PDZRN3: variants seen among roughly 807,000 people sequenced by gnomAD.
The protein encoded by PDZRN3 is E3 ubiquitin-protein ligase PDZRN3.
A neutral mutation model predicts 85.7 loss-of-function variants in PDZRN3; 38 were observed. That is an observed-to-expected ratio of 0.44 (90% CI 0.34 to 0.58). The LOEUF is 0.58. PDZRN3 is among the 20% of genes least tolerant of loss of function. The probability of loss-of-function intolerance (pLI) is 0.01; values close to 1 mark genes in which losing one functional copy is unlikely to be tolerated. For missense variants in PDZRN3, 1,629 were observed against 1,506.4 expected (o/e 1.08, Z -1.35); for synonymous variants, 759 against 638.0 (o/e 1.19, Z -2.86).
chr3:73,411,565 G>C (rs911713264), intron 3 of PDZRN3, among the ~76,000 whole-genome samples: 3 of 152,160 alleles, frequency 2.0e-5, no homozygotes, highest in African/African-American at 7.2e-5. Context: ...ATGGGCTGGT[G>C]GTGGTCCTGC....
At chr3:73,407,398 C>G (rs1165940842) in intron 3 of PDZRN3, among the ~76,000 whole-genome samples, 1 of 152,090 alleles carries the variant, frequency 6.6e-6, no homozygotes, top group African/African-American at 2.4e-5. Context: ...AGTGAATTAA[C>G]CAAGTTTAGA....
At chr3:73,540,352 A>G (rs1704890913) in intron 3 of PDZRN3, among the ~76,000 whole-genome samples, 1 of 152,140 alleles carries the variant, frequency 6.6e-6, no homozygotes, top group Non-Finnish European at 1.5e-5. Flanking sequence ...AAAACCAAAA[A>G]ACATGTTTTT....
At chr3:73,490,687 A>G (rs9836402) in intron 3 of PDZRN3, among the ~76,000 whole-genome samples, 149,081 of 152,346 alleles carry the variant, frequency 0.98, 73,023 homozygotes, top group Middle Eastern at 1. Context: ...GAAAAGGCTG[A>G]ACTATTCAGT....
intron 4 of PDZRN3, among the ~76,000 whole-genome samples, chr3:73,401,479 C>T (rs1701748263): frequency 6.6e-6 from 1 of 152,162 alleles, no homozygotes; most frequent in Non-Finnish European, 1.5e-5. Context: ...TCTGCTGTTA[C>T]CTAGGACCGT....
intron 3 of PDZRN3, among the ~76,000 whole-genome samples, chr3:73,586,201 A>G (rs1293529894): frequency 5.3e-5 from 8 of 152,206 alleles, no homozygotes; most frequent in African/African-American, 1.9e-4. Context: ...CTGCTTCTAA[A>G]GAAAGGAACT....
chr3:73,384,642 C>G lies in PDZRN3; in HGVS notation c.1924G>C (p.Glu642Gln), dbSNP rs776472778. 6.2e-7 allele frequency: 1 copy of G among 1,613,932 alleles called. No individual in the cohort carries two copies. Among genetic ancestry groups the G allele is most frequent in the Non-Finnish European group, 8.5e-7 (1 of 1,180,042 alleles). Residue 642 changes from glutamate to glutamine, a missense_variant, in exon 10 of 10, where the codon GAG becomes CAG. Physicochemically the swap from Glu to Gln is conservative, Grantham distance 29. Coordinates refer to ENST00000263666, the MANE Select transcript of PDZRN3 (RefSeq NM_015009.3). ...DADYLGIPVD[E>Q]CERFRELLEL... ...AGGAGCTCGCGGAAGCGCTCGCACT[C>G]GTCCACCGGGATCCCCAGGTAGTCG... is the stretch of plus-strand genomic sequence containing the variant.
At chr3:73,480,323 C>T (rs1703537434) in intron 3 of PDZRN3, among the ~76,000 whole-genome samples, 1 of 152,162 alleles carries the variant, frequency 6.6e-6, no homozygotes, top group African/African-American at 2.4e-5. Context: ...GGTTTTAACA[C>T]CTCCCTTGAC....
In PDZRN3 at chr3:73,384,773, T is replaced by C. The variant is rs768638518; in HGVS notation, c.1793A>G (p.Asn598Ser). The change falls in exon 10 of 10, where the codon AAC becomes AGC. Residue 598 changes from asparagine to serine, a missense_variant. Asn to Ser is a conservative substitution (Grantham distance 46). Transcript: ENST00000263666. Reference sequence around the variant, plus strand: ...GAGCTTCCTCTGCCCCGCCAGCGGGTTGGAGGATGCGGTGGCGTCGTCGCC... The same window carrying C: ...GAGCTTCCTCTGCCCCGCCAGCGGGCTGGAGGATGCGGTGGCGTCGTCGCC... ...NNGDDATASS[N>S]PLAGQRKLTC... 1.2e-6 allele frequency: 2 copies of C among 1,613,888 alleles called. No individual in the cohort carries two copies. Among genetic ancestry groups the C allele is most frequent in the South Asian group, 2.2e-5 (2 of 91,080 alleles).
chr3:73,530,067 T>C (rs1175061309), intron 3 of PDZRN3, among the ~76,000 whole-genome samples: 1 of 152,230 alleles, frequency 6.6e-6, no homozygotes, highest in East Asian at 1.9e-4. Flanking sequence ...AATCATAATT[T>C]CTTAAACTCT....
Position 73,505,851 on chromosome 3 carries a change from T to C in PDZRN3, c.918+96503A>G, listed in dbSNP as rs1704060811. The stretch of plus-strand genomic sequence containing the variant: ...TTTGAGGCAAAAAATAAAATTGCGC[T>C]GGATTAGAGACCCCCAACCGACTTT... On this transcript the variant is annotated intron_variant, in intron 3 of 9. Coordinates refer to ENST00000263666, the MANE Select transcript of PDZRN3 (RefSeq NM_015009.3). Among the ~76,000 whole-genome samples the C allele has an allele frequency of 3.3e-5, 5 of 152,232 alleles. No individual in the cohort carries two copies. The South Asian group carries it at 1.0e-3, about 32-fold the overall frequency.
chr3:73,557,438 T>C lies in PDZRN3; in HGVS notation c.918+44916A>G, dbSNP rs78718783. ...TCTGTGACTATTTCTCATCTTATGATATGAATTTTTCATTGCTGTGTGGCA... is the reference window on the plus strand; with the variant it reads ...TCTGTGACTATTTCTCATCTTATGACATGAATTTTTCATTGCTGTGTGGCA... On this transcript the variant is annotated intron_variant, in intron 3 of 9. Coordinates refer to ENST00000263666, the MANE Select transcript of PDZRN3 (RefSeq NM_015009.3). Among the ~76,000 whole-genome samples the C allele has an allele frequency of 8.1e-3, 1,241 of 152,350 alleles. 22 individuals carry two copies. Among genetic ancestry groups the C allele is most frequent in the African/African-American group, 0.027 (1,109 of 41,588 alleles).
rs1438853220 is a variant in PDZRN3 at position 73,624,387 on chromosome 3, C to A, written c.439G>T (p.Gly147Trp). 2 of 1,312,462 alleles carry A rather than the reference C, an allele frequency of 1.5e-6. No individual in the cohort carries two copies. Among genetic ancestry groups the A allele is most frequent in the Non-Finnish European group, 1.9e-6 (2 of 1,037,014 alleles). The allele number at this position is 1,312,462 out of a possible 1,614,324, so 81.3% of individuals were successfully genotyped here. Residue 147 changes from glycine (G) to tryptophan (W), a missense_variant, in exon 1 of 10, where the codon GGG (glycine) becomes TGG (tryptophan). Transcript: ENST00000263666. ...TGCTCGCCGTGCGTCAAGGGTAGCC[C>A]GCAGCCCTCCTGGCAGCGGCCCACT... ...RPVGRCQEGCGLPLTHGEQRA... is the reference protein window; with the variant it reads ...RPVGRCQEGCWLPLTHGEQRA...
rs1432396077 is a variant in PDZRN3, at chr3:73,555,657, C to T, written c.918+46697G>A. Among the ~76,000 whole-genome samples the T allele has an allele frequency of 3.3e-5, 5 of 152,212 alleles. No homozygotes were observed. The South Asian group carries it at 8.3e-4, about 25-fold the overall frequency. On this transcript the variant is annotated intron_variant, in intron 3 of 9. Coordinates refer to ENST00000263666, the MANE Select transcript of PDZRN3 (RefSeq NM_015009.3). ...AGTCCTATACTTTGGGGAGGTAACACTGACAGAAAATATACCCAGTGAATT... is the reference window on the plus strand; with the variant it reads ...AGTCCTATACTTTGGGGAGGTAACATTGACAGAAAATATACCCAGTGAATT...
intron 3 of PDZRN3, among the ~76,000 whole-genome samples, chr3:73,471,814 T>C (rs992883773): frequency 6.6e-6 from 1 of 152,244 alleles, no homozygotes; most frequent in African/African-American, 2.4e-5. Context: ...AGAATTCTAA[T>C]GGATTTGTAA....
At chr3:73,509,048 CT>C (rs1704117531) in intron 3 of PDZRN3, among the ~76,000 whole-genome samples, 1 of 152,234 alleles carries the variant, frequency 6.6e-6, no homozygotes, top group African/African-American at 2.4e-5. Flanking sequence ...TAGTTACTTA[CT>C]GTGTAGTGAG....
chr3:73,477,609 T>A (rs1278131453), intron 3 of PDZRN3, among the ~76,000 whole-genome samples: 1 of 152,186 alleles, frequency 6.6e-6, no homozygotes, highest in East Asian at 1.9e-4. Flanking sequence ...AAATCACCCA[T>A]AAATCAAGAT....
chr3:73,552,553 G>A (rs1454566483), intron 3 of PDZRN3, among the ~76,000 whole-genome samples: 1 of 152,182 alleles, frequency 6.6e-6, no homozygotes. Flanking sequence ...GCGCATGTGA[G>A]TGTGTGTGTC....
At chr3:73,555,047 AG>A (rs757425999) in intron 3 of PDZRN3, among the ~76,000 whole-genome samples, 7 of 152,192 alleles carry the variant, frequency 4.6e-5, no homozygotes, top group African/African-American at 1.4e-4. Flanking sequence ...GATAAGTTGC[AG>A]GGGGGATAGA....
intron 3 of PDZRN3, among the ~76,000 whole-genome samples, chr3:73,486,075 GAAGGT>G (rs1471662912): frequency 6.6e-6 from 1 of 152,250 alleles, no homozygotes; most frequent in African/African-American, 2.4e-5. Context: ...TTCATCAGAG[GAAGGT>G]AAGTGGATAA....
Sources: allele counts gnomAD v4.1 joint callset (sites outside exome capture counted in the v4.1 genomes callset), GRCh38; gene constraint gnomAD v4.1.1; transcripts MANE v1.5; gene names NCBI Gene and HGNC (gene_info 2026-07-23, HGNC 2026-07-21).